Variants in PKHD1 observed in about 807,000 individuals in gnomAD.
The protein encoded by PKHD1 is PKHD1 ciliary IPT domain containing fibrocystin/polyductin, also known as fibrocystin.
Under a neutral mutation model 412.0 loss-of-function variants are expected in PKHD1, and 291 were observed. That is an observed-to-expected ratio of 0.71 (90% confidence interval 0.64 to 0.78). The LOEUF is 0.78. PKHD1 is among the 30% of genes least tolerant of loss of function. PKHD1 has a pLI of 0.00. For synonymous variants in PKHD1, 1,777 were observed against 1,821.5 expected (o/e 0.98, Z 0.62); for missense variants, 4,825 against 4,950.7 (o/e 0.97, Z 0.76).
At chr6:51,960,089 G>T in intron 35 of PKHD1, 63 bp from the exon 36 acceptor site, 2 of 1,535,026 alleles carry the variant, frequency 1.3e-6, no homozygotes, top group Admixed American at 3.4e-5. Context: ...TTGCTTCGTT[G>T]GTTGGTTCGC....
chr6:51,669,259 C>T (rs1774448687), intron 60 of PKHD1, among the ~76,000 whole-genome samples: 1 of 152,132 alleles, frequency 6.6e-6, no homozygotes, highest in Non-Finnish European at 1.5e-5. Flanking sequence ...TCAACTTCTT[C>T]CTGGTATAGT....
At chr6:51,629,220 G>C (rs2771022) in intron 65 of PKHD1, among the ~76,000 whole-genome samples, 6,505 of 151,868 alleles carry the variant, frequency 0.043, 235 homozygotes, top group African/African-American at 0.093. Flanking sequence ...AAGTGGGACC[G>C]AATTAAACTA....
intron 65 of PKHD1, among the ~76,000 whole-genome samples, chr6:51,631,317 G>C (rs1767896911): frequency 6.6e-6 from 1 of 152,188 alleles, no homozygotes; most frequent in Non-Finnish European, 1.5e-5. Context: ...ACGAGGTCAA[G>C]ATCCCCTTCT....
At chr6:51,846,876 C>G (rs919176146) in intron 50 of PKHD1, among the ~76,000 whole-genome samples, 1 of 152,170 alleles carries the variant, frequency 6.6e-6, no homozygotes, top group East Asian at 1.9e-4. Context: ...TTAATTCAGC[C>G]TCTCTCTGCA....
intron 52 of PKHD1, among the ~76,000 whole-genome samples, chr6:51,814,771 C>A (rs944470302): frequency 6.6e-6 from 1 of 152,128 alleles, no homozygotes; most frequent in East Asian, 1.9e-4. Flanking sequence ...GAAAGGCCAC[C>A]GGCTCACCAG....
rs752154591 is a variant in PKHD1, at chr6:52,028,226, G to A, written c.3490C>T (p.Leu1164=). Residue 1164 remains leucine (L), a synonymous_variant, in exon 30 of 67, where the codon CTG becomes TTG. Transcript: ENST00000371117. ...TGGAGACCAGCTGGCAGTGGGGGCAGTGCCACCTCCAGGCCCCAAGCCGAC... is the reference window on the plus strand; with the variant it reads ...TGGAGACCAGCTGGCAGTGGGGGCAATGCCACCTCCAGGCCCCAAGCCGAC... ...TQSAWGLEVA[L]PPLPAGLHRI... 1 of 1,614,196 alleles carries A rather than the reference G, an allele frequency of 6.2e-7. No individual in the cohort carries two copies. The highest frequency in any genetic ancestry group is 1.1e-5 in the South Asian group (1 of 91,084).
intron 25 of PKHD1, among the ~76,000 whole-genome samples, chr6:52,044,448 T>C (rs926602508): frequency 2.6e-5 from 4 of 152,192 alleles, no homozygotes; most frequent in Non-Finnish European, 4.4e-5. Flanking sequence ...TACTGTTTCA[T>C]TTTTTCCATA....
intron 48 of PKHD1, among the ~76,000 whole-genome samples, chr6:51,859,557 T>G (rs1562481360): frequency 6.7e-6 from 1 of 148,876 alleles, no homozygotes; most frequent in Non-Finnish European, 1.5e-5. Flanking sequence ...CCTCAATATG[T>G]GATAGTATAA....
chr6:51,724,635 T>C (rs1231647421), intron 60 of PKHD1, among the ~76,000 whole-genome samples: 1 of 152,190 alleles, frequency 6.6e-6, no homozygotes, highest in East Asian at 1.9e-4. Context: ...CTGTGTATGT[T>C]AGTCTGAATA....
intron 60 of PKHD1, among the ~76,000 whole-genome samples, chr6:51,665,697 G>A (rs1209098099): frequency 6.6e-6 from 1 of 152,132 alleles, no homozygotes; most frequent in Non-Finnish European, 1.5e-5. Context: ...CTCTTAAAAT[G>A]TACATTTCAA....
At chr6:51,636,739 G>A (rs2784221) in intron 64 of PKHD1, among the ~76,000 whole-genome samples, 6,500 of 152,230 alleles carry the variant, frequency 0.043, 228 homozygotes, top group African/African-American at 0.093. Flanking sequence ...TCAAATTGAT[G>A]TACTTGGAAA....
rs541588091 is a variant in PKHD1 at position 51,689,912 on chromosome 6, T to C, written c.10157-29943A>G. 2.6e-4 allele frequency among the ~76,000 whole-genome samples: 39 copies of C among 152,262 alleles called. No individual in the cohort carries two copies. The South Asian group carries it at 4.4e-3, about 17-fold the overall frequency. ...AGAATCAATATTGTTAATATGGCCA[T>C]ACTGCCCAGAGCAATTTATAGATTC... On this transcript the variant is annotated intron_variant, in intron 60 of 66. Coordinates refer to ENST00000371117, the MANE Select transcript of PKHD1 (RefSeq NM_138694.4).
intron 35 of PKHD1, among the ~76,000 whole-genome samples, chr6:51,982,191 G>C (rs1484343103): frequency 2.4e-5 from 1 of 41,930 alleles, no homozygotes; most frequent in Non-Finnish European, 5.3e-5. Flanking sequence ...GAGGTGGGGG[G>C]GTCAGCCCCC....
chr6:51,969,480 C>T lies in PKHD1; in HGVS notation c.5752-9454G>A, dbSNP rs529989028. On this transcript the variant is annotated intron_variant, in intron 35 of 66. Coordinates refer to ENST00000371117, the MANE Select transcript of PKHD1 (RefSeq NM_138694.4). ...GGATAGATTGCATAGTGGTAAAGTC[C>T]GGGCTTTTAGTGTAACCAACATCTG... Among the ~76,000 whole-genome samples the T allele has an allele frequency of 8.5e-5, 13 of 152,192 alleles. No homozygotes were observed. In the South Asian group the frequency reaches 2.5e-3, roughly 29 times the overall value.
chr6:51,966,978 G>C (rs962417660), intron 35 of PKHD1, among the ~76,000 whole-genome samples: 4 of 151,928 alleles, frequency 2.6e-5, no homozygotes, highest in African/African-American at 9.7e-5. Context: ...ATCAAAGGAG[G>C]ACCTTGAAAA....
At chr6:51,703,128 G>C (rs886738738) in intron 60 of PKHD1, among the ~76,000 whole-genome samples, 3 of 151,966 alleles carry the variant, frequency 2.0e-5, no homozygotes, top group Non-Finnish European at 2.9e-5. Flanking sequence ...CATAAACAAA[G>C]ATGAAGGACT....
At position 51,870,601 on chromosome 6, in the gene PKHD1, T is replaced by G. The variant is rs745756086; in HGVS notation, c.7389A>C (p.Lys2463Asn). The change falls in exon 47 of 67, where the codon AAA (lysine) becomes AAC (asparagine). Residue 2463 changes from lysine (K) to asparagine (N), a missense_variant. By Grantham distance (94) the Lys-to-Asn change is moderately conservative. Transcript: ENST00000371117. ...LCMSSGIKTP[K>N]RWELMVSNTT... ...TGTTAGACACCATCAGTTCCCATCT[T>G]TTAGGAGTTTTAATCCCAGATGACA... The G allele has an allele frequency of 3.7e-6, 6 of 1,609,658 alleles. No individual in the cohort carries two copies. The highest frequency in any genetic ancestry group is 5.1e-6 in the Non-Finnish European group (6 of 1,175,956).
chr6:51,729,163 G>A (rs1782946708), intron 60 of PKHD1, among the ~76,000 whole-genome samples: 1 of 152,140 alleles, frequency 6.6e-6, no homozygotes, highest in African/African-American at 2.4e-5. Flanking sequence ...CTTCCTTCAT[G>A]GCAATGACTT....
chr6:51,931,326 T>C (rs913925150), intron 37 of PKHD1, among the ~76,000 whole-genome samples: 1 of 152,208 alleles, frequency 6.6e-6, no homozygotes. Flanking sequence ...AGGGACTTCC[T>C]GGGTGCAAAA....
Sources: allele counts gnomAD v4.1 joint callset (sites outside exome capture counted in the v4.1 genomes callset), GRCh38; gene constraint gnomAD v4.1.1; transcripts MANE v1.5; gene names NCBI Gene and HGNC (gene_info 2026-07-23, HGNC 2026-07-21).